TTLL6: variants seen among roughly 807,000 people sequenced by gnomAD.
The protein encoded by TTLL6 is tubulin polyglutamylase TTLL6.
TTLL6 carries 75 observed loss-of-function variants against 96.4 expected under a neutral mutation model. The observed-to-expected ratio is 0.78, with a 90% CI of 0.65 to 0.94. The LOEUF is 0.94. Among genes scored for constraint, TTLL6 ranks in the 40% least tolerant of loss-of-function variants. The probability of loss-of-function intolerance (pLI) is 0.00; values close to 1 mark genes in which losing one functional copy is unlikely to be tolerated. For missense variants in TTLL6, 1,030 were observed against 1,093.0 expected, an observed-to-expected ratio of 0.94 and a Z score of 0.81; for synonymous variants, 411 against 419.4, an observed-to-expected ratio of 0.98 and a Z score of 0.24.
intron 1 of TTLL6, among the ~76,000 whole-genome samples, chr17:48,810,783 A>G (rs8072797): frequency 0.23 from 22,102 of 97,252 alleles, 2,777 homozygotes; most frequent in Non-Finnish European, 0.24. Flanking sequence ...GTATGTGTGT[A>G]TATATATATA....
chr17:48,792,784 T>C (rs1162650415), intron 8 of TTLL6, among the ~76,000 whole-genome samples: 4 of 152,204 alleles, frequency 2.6e-5, no homozygotes, highest in Non-Finnish European at 5.9e-5. Flanking sequence ...GAAAACAGTG[T>C]TGCACATAAA....
intron 1 of TTLL6, among the ~76,000 whole-genome samples, chr17:48,805,884 C>T (rs1237735690): frequency 4.6e-5 from 7 of 152,026 alleles, no homozygotes; most frequent in Admixed American, 1.3e-4. Context: ...CCAAGGCAGG[C>T]GGATCACCTG....
intron 10 of TTLL6, among the ~76,000 whole-genome samples, chr17:48,788,930 G>C (rs2039163138): frequency 6.6e-6 from 1 of 152,088 alleles, no homozygotes; most frequent in African/African-American, 2.4e-5. Context: ...AGTGCAGGGG[G>C]CTGTAGTGGG....
At chr17:48,764,456 G>A (rs1193473389) in intron 15 of TTLL6, among the ~76,000 whole-genome samples, 1 of 152,104 alleles carries the variant, frequency 6.6e-6, no homozygotes, top group Non-Finnish European at 1.5e-5. Context: ...TGCAAACTGG[G>A]CATAAGGTAA....
In TTLL6 at chr17:48,801,301, G is replaced by A. The variant is rs1327125164; in HGVS notation, c.565C>T (p.Pro189Ser). ...CTAGGGAAAAAGCGGAAATCTTTAG[G>A]GAACATCTTTAACATGCGGCTCATG... Reference protein sequence around the residue: ...RNMSRMLKMFPKDFRFFPRTW... With the variant: ...RNMSRMLKMFSKDFRFFPRTW... The change falls in exon 5 of 16, where the codon CCT becomes TCT. Residue 189 changes from proline (P) to serine (S), a missense_variant. Transcript: ENST00000393382. 1 of 1,551,452 alleles carries A rather than the reference G, an allele frequency of 6.4e-7. No homozygotes were observed. Among genetic ancestry groups the A allele is most frequent in the African/African-American group, 1.4e-5 (1 of 72,976 alleles).
At chr17:48,786,951 T>C (rs564967799) in intron 11 of TTLL6, among the ~76,000 whole-genome samples, 4 of 148,988 alleles carry the variant, frequency 2.7e-5, no homozygotes, top group African/African-American at 7.4e-5. Flanking sequence ...TGCCTCAGCC[T>C]CCAGAGTAGC....
chr17:48,798,458 T>G (rs973041009), intron 6 of TTLL6, among the ~76,000 whole-genome samples: 2 of 152,020 alleles, frequency 1.3e-5, no homozygotes, highest in African/African-American at 4.8e-5. Context: ...TCCCAGCTAC[T>G]TGGGAGGCTA....
intron 13 of TTLL6, among the ~76,000 whole-genome samples, chr17:48,782,777 G>A (rs530933573): frequency 1.9e-4 from 29 of 151,934 alleles, no homozygotes; most frequent in African/African-American, 6.5e-4. Context: ...GCAATGGCAC[G>A]ATCTTGGCTC....
intron 13 of TTLL6, among the ~76,000 whole-genome samples, chr17:48,782,005 A>G (rs1410134871): frequency 1.3e-5 from 2 of 152,198 alleles, no homozygotes; most frequent in East Asian, 3.8e-4. Flanking sequence ...TGTTGTTTAT[A>G]AATTACGCAG....
At chr17:48,804,618 A>G in intron 2 of TTLL6, 154 bp downstream of exon 2, 1 of 686,946 alleles carries the variant, frequency 1.5e-6, no homozygotes, top group Non-Finnish European at 2.6e-6. Flanking sequence ...TCGAAAGTAG[A>G]TTCTTTTTAT....
At position 48,769,199 on chromosome 17, in the gene TTLL6, C is replaced by A; in HGVS notation, c.2466G>T (p.Lys822Asn). 1 of 1,613,662 alleles carries A rather than the reference C, an allele frequency of 6.2e-7. No homozygotes were observed. Among genetic ancestry groups the A allele is most frequent in the Non-Finnish European group, 8.5e-7 (1 of 1,179,662 alleles). The change falls in exon 15 of 16, where the codon AAG becomes AAT. Residue 822 changes from lysine (K) to asparagine (N), a missense_variant. By Grantham distance (94) the Lys-to-Asn change is moderately conservative (BLOSUM62 0). Transcript: ENST00000393382. ...GGAGGGAGGACACATCCAGCTGCCT[C>A]TTCTCGCCAGAGCTGTCACTGCGGG... ...CHSRSDSSGE[K>N]RQLDVSSLLL... is the part of the protein sequence containing the mutation.
Position 48,769,234 on chromosome 17 carries a change from C to T in TTLL6, c.2431G>A (p.Glu811Lys), listed in dbSNP as rs971727730. 7 of 1,605,316 alleles carry T rather than the reference C, an allele frequency of 4.4e-6. No individual in the cohort carries two copies. Among genetic ancestry groups the T allele is most frequent in the Non-Finnish European group, 5.1e-6 (6 of 1,173,764 alleles). Reference sequence around the variant, plus strand: ...GAGCTGTCACTGCGGGAGTGGCACTCCCCAGGCAGGGAGGGGTTTTCTGGA... The same window carrying T: ...GAGCTGTCACTGCGGGAGTGGCACTTCCCAGGCAGGGAGGGGTTTTCTGGA... ...NLSQNPSLPG[E>K]CHSRSDSSGE... The change falls in exon 15 of 16, where the codon GAG (glutamate) becomes AAG (lysine). Residue 811 changes from glutamate (E) to lysine (K), a missense_variant. Physicochemically the swap from Glu to Lys is moderately conservative, Grantham distance 56. Transcript: ENST00000393382.
intron 13 of TTLL6, among the ~76,000 whole-genome samples, chr17:48,780,814 A>G (rs2038971181): frequency 6.6e-6 from 1 of 152,118 alleles, no homozygotes; most frequent in Non-Finnish European, 1.5e-5. Context: ...GTAGCATTTG[A>G]CAGGATTTCT....
Position 48,786,831 on chromosome 17 carries a change from C to CTTT in TTLL6, c.1590-499_1590-497dup, listed in dbSNP as rs11446945. On this transcript the variant is annotated intron_variant, in intron 11 of 15. Coordinates refer to ENST00000393382, the MANE Select transcript of TTLL6 (RefSeq NM_001130918.3). ...GGAGTTCTGGTCCCTCTTCTGTCAT[C>CTTT]TTTTTTTTTTTTTTTTTTTTGAGAT... Among the ~76,000 whole-genome samples, 169 of 122,456 alleles carry CTTT rather than the reference C, an allele frequency of 1.4e-3. 1 individual carries two copies. Among genetic ancestry groups the CTTT allele is most frequent in the East Asian group, 4.2e-3 (16 of 3,812 alleles). The allele number at this position is 122,456 out of a possible 152,430, so 80.3% of individuals were successfully genotyped here.
chr17:48,779,423 C>A (rs1207124030), intron 13 of TTLL6, among the ~76,000 whole-genome samples: 1 of 149,208 alleles, frequency 6.7e-6, no homozygotes, highest in Non-Finnish European at 1.5e-5. Flanking sequence ...AGCTACGGAG[C>A]AACTGGAACT....
rs199597018 is a variant in TTLL6 at position 48,786,138 on chromosome 17, G to A, written c.1761+26C>T. 9.9e-6 allele frequency: 16 copies of A among 1,613,742 alleles called. 1 individual carries two copies. The Admixed American group carries it at 1.2e-4, about 12-fold the overall frequency. On this transcript the variant is annotated intron_variant, in intron 12 of 15. Coordinates refer to ENST00000393382, the MANE Select transcript of TTLL6 (RefSeq NM_001130918.3). ...CCCAGGTGGGGAAGGGTGTGGCTAC[G>A]TGTGTTCCCCTCAATCCAGGTTTAC...
intron 15 of TTLL6, among the ~76,000 whole-genome samples, chr17:48,768,518 C>T (rs1244867300): frequency 6.6e-6 from 1 of 152,120 alleles, no homozygotes; most frequent in Non-Finnish European, 1.5e-5. Flanking sequence ...GATCCACCCA[C>T]CTCGGCCTCC....
chr17:48,779,838 A>T (rs1313933132), intron 13 of TTLL6, among the ~76,000 whole-genome samples: 1 of 152,206 alleles, frequency 6.6e-6, no homozygotes, highest in Non-Finnish European at 1.5e-5. Context: ...CCATTTACGT[A>T]AAATTCTAGA....
At chr17:48,787,740 G>A in intron 11 of TTLL6, 71 bp downstream of exon 11, 1 of 1,466,616 alleles carries the variant, frequency 6.8e-7, no homozygotes. Context: ...GCCACTCCAG[G>A]CCAGTCAGCC....
Sources: gnomAD v4.1 joint callset for allele counts (sites outside exome capture counted in the v4.1 genomes callset) on GRCh38, gnomAD v4.1.1 for gene constraint, MANE v1.5 for transcripts, NCBI Gene and HGNC (gene_info 2026-07-23, HGNC 2026-07-21) for gene names.